The following NOS1AP variants were observed in gnomAD, a reference collection of about 807,000 sequenced individuals.
The protein encoded by NOS1AP is carboxyl-terminal PDZ ligand of neuronal nitric oxide synthase protein.
NOS1AP carries 21 observed loss-of-function variants against 56.2 expected under a neutral mutation model. That is an observed-to-expected ratio of 0.37 (90% CI 0.26 to 0.54). The LOEUF (loss-of-function observed/expected upper bound fraction) is 0.54. Ranked by LOEUF, NOS1AP falls within the 20% of genes least tolerant of loss-of-function variation. The pLI, the probability that NOS1AP is intolerant of heterozygous loss-of-function variation, is 0.84. For synonymous variants in NOS1AP, 270 were observed against 274.6 expected, an observed-to-expected ratio of 0.98 and a Z score of 0.17; for missense variants, 522 against 657.8, an observed-to-expected ratio of 0.79 and a Z score of 2.26.
intron 2 of NOS1AP, among the ~76,000 whole-genome samples, chr1:162,160,547 G>C (rs1650158514): frequency 6.6e-6 from 1 of 152,180 alleles, no homozygotes; most frequent in Non-Finnish European, 1.5e-5. Context: ...TTACCCACCA[G>C]CAGTACGCTT....
At chr1:162,364,353 G>T (rs185425434) in intron 8 of NOS1AP, 68 of 985,380 alleles carry the variant, frequency 6.9e-5, no homozygotes, top group South Asian at 2.8e-4. Flanking sequence ...TTCTTCAGGG[G>T]CCTTCTGAAA....
intron 1 of NOS1AP, among the ~76,000 whole-genome samples, chr1:162,092,081 A>G (rs1382915291): frequency 6.6e-6 from 1 of 152,210 alleles, no homozygotes; most frequent in African/African-American, 2.4e-5. Context: ...TGTGGATCCA[A>G]CAAAGGATGG....
intron 5 of NOS1AP, 52 bp downstream of exon 5, chr1:162,333,177 C>A: frequency 8.0e-7 from 1 of 1,257,584 alleles, no homozygotes; most frequent in Non-Finnish European, 1.2e-6. Flanking sequence ...GGTTCCAAAG[C>A]ACCCCCAACA....
chr1:162,208,336 T>G (rs954355955), intron 2 of NOS1AP, among the ~76,000 whole-genome samples: 17 of 152,232 alleles, frequency 1.1e-4, no homozygotes, highest in African/African-American at 4.1e-4. Flanking sequence ...TTTTTATAAT[T>G]GTTTCATGTA....
chr1:162,167,484 G>A (rs1036400467), intron 2 of NOS1AP, among the ~76,000 whole-genome samples: 2 of 152,200 alleles, frequency 1.3e-5, no homozygotes, highest in African/African-American at 4.8e-5. Flanking sequence ...TCTGGACCGG[G>A]GAGTCCCCGG....
chr1:162,223,898 A>G (rs1351349247), intron 2 of NOS1AP, among the ~76,000 whole-genome samples: 1 of 152,198 alleles, frequency 6.6e-6, no homozygotes, highest in Non-Finnish European at 1.5e-5. Context: ...ATGTATGTAT[A>G]TATAATTTAT....
In NOS1AP at chr1:162,324,416, C is replaced by CTTTTTTT. The variant is rs35946766; in HGVS notation, c.345-8579_345-8573dup. ...TAGTGGTTTTGTGAGGGACACTAGC[C>CTTTTTTT]TTTTTTTTTTTTTTTTTTTTTTTTT... On this transcript the variant is annotated intron_variant, in intron 4 of 9. Coordinates refer to ENST00000361897, the MANE Select transcript of NOS1AP (RefSeq NM_014697.3). 1.0e-3 allele frequency among the ~76,000 whole-genome samples: 72 copies of CTTTTTTT among 72,150 alleles called. 10 individuals carry two copies. Among genetic ancestry groups the CTTTTTTT allele is most frequent in the African/African-American group, 2.9e-3 (59 of 20,250 alleles). The allele number at this position is 72,150 out of a possible 152,430, so 47.3% of individuals were successfully genotyped here. A position where few individuals can be genotyped will look rare whatever the true frequency, so the allele number is the denominator to read the frequency against.
chr1:162,176,116 T>G lies in NOS1AP; in HGVS notation c.177+21640T>G, dbSNP rs573796097. ...TACATTTGTAATACATTTAGATTTTTGGGGGTCACATTTTACATTCCATCC... is the reference window on the plus strand; with the variant it reads ...TACATTTGTAATACATTTAGATTTTGGGGGGTCACATTTTACATTCCATCC... On this transcript the variant is annotated intron_variant, in intron 2 of 9. Transcript: ENST00000361897. Among the ~76,000 whole-genome samples the G allele has an allele frequency of 7.2e-5, 11 of 152,334 alleles. No individual in the cohort carries two copies. In the South Asian group the frequency reaches 1.7e-3, roughly 23 times the overall value.
At chr1:162,118,060 G>C (rs572177504) in intron 1 of NOS1AP, among the ~76,000 whole-genome samples, 1 of 152,196 alleles carries the variant, frequency 6.6e-6, no homozygotes. Context: ...CAGATAAAAA[G>C]ATTATGAAAT....
intron 2 of NOS1AP, among the ~76,000 whole-genome samples, chr1:162,281,077 A>G (rs910114506): frequency 6.6e-6 from 1 of 152,128 alleles, no homozygotes; most frequent in African/African-American, 2.4e-5. Context: ...ATTACTCCTA[A>G]CTGTACAGTC....
At chr1:162,244,549 A>G (rs1653595939) in intron 2 of NOS1AP, among the ~76,000 whole-genome samples, 1 of 152,204 alleles carries the variant, frequency 6.6e-6, no homozygotes, top group South Asian at 2.1e-4. Context: ...TTATACAACT[A>G]GTTAGTGACC....
At chr1:162,359,387 T>G (rs964213067) in intron 8 of NOS1AP, among the ~76,000 whole-genome samples, 1 of 152,226 alleles carries the variant, frequency 6.6e-6, no homozygotes, top group African/African-American at 2.4e-5. Flanking sequence ...CTGTCTGCCA[T>G]GCCCATCTGT....
chr1:162,214,830 T>G (rs987632292), intron 2 of NOS1AP, among the ~76,000 whole-genome samples: 2 of 152,348 alleles, frequency 1.3e-5, no homozygotes, highest in Admixed American at 1.3e-4. Context: ...GTTCTGTCTG[T>G]ACGCTAACAT....
At chr1:162,073,474 T>C in intron 1 of NOS1AP, among the ~76,000 whole-genome samples, 1 of 152,174 alleles carries the variant, frequency 6.6e-6, no homozygotes, top group East Asian at 1.9e-4. Flanking sequence ...TATTTATTTA[T>C]TTTGAGATGG....
chr1:162,136,514 A>C (rs540355705), intron 1 of NOS1AP, among the ~76,000 whole-genome samples: 1 of 152,320 alleles, frequency 6.6e-6, no homozygotes, highest in African/African-American at 2.4e-5. Context: ...AACCAGCAGC[A>C]GTTTTTGGAA....
chr1:162,207,828 G>A (rs992857645), intron 2 of NOS1AP, among the ~76,000 whole-genome samples: 8 of 152,166 alleles, frequency 5.3e-5, no homozygotes, highest in African/African-American at 1.7e-4. Flanking sequence ...GTGAATGACT[G>A]TGTTCTTTGC....
chr1:162,114,672 C>G (rs1030374282), intron 1 of NOS1AP, among the ~76,000 whole-genome samples: 1 of 152,210 alleles, frequency 6.6e-6, no homozygotes, highest in African/African-American at 2.4e-5. Context: ...TCCAGCCCCT[C>G]TTTCAACAAC....
intron 2 of NOS1AP, among the ~76,000 whole-genome samples, chr1:162,185,782 G>A (rs3927641): frequency 0.11 from 17,117 of 152,098 alleles, 1,056 homozygotes; most frequent in South Asian, 0.21. Flanking sequence ...TATAATATTT[G>A]GAATGAGGAT....
Position 162,081,755 on chromosome 1 carries a change from G to GATAGATAT in NOS1AP, c.105+11476_105+11477insGATATATA, listed in dbSNP as rs1218347698. Among the ~76,000 whole-genome samples the GATAGATAT allele has an allele frequency of 5.6e-5, 4 of 71,610 alleles. No individual in the cohort carries two copies. In the East Asian group the frequency reaches 8.7e-4, roughly 16 times the overall value. The allele number at this position is 71,610 out of a possible 152,430, so 47.0% of individuals were successfully genotyped here. On this transcript the variant is annotated intron_variant, in intron 1 of 9. Coordinates refer to ENST00000361897, the MANE Select transcript of NOS1AP (RefSeq NM_014697.3). ...CTATATATCTATATCTATATCTATA[G>GATAGATAT]ATATATATATATATATATATTTTTT...
Sources: gnomAD v4.1 joint callset for allele counts (sites outside exome capture counted in the v4.1 genomes callset) on GRCh38, gnomAD v4.1.1 for gene constraint, MANE v1.5 for transcripts, NCBI Gene and HGNC (gene_info 2026-07-23, HGNC 2026-07-21) for gene names.